Variants in DLEU7 observed in about 807,000 individuals in gnomAD.
The protein encoded by DLEU7 is leukemia-associated protein 7.
In DLEU7, 17 loss-of-function variants were observed where a neutral mutation model predicts 16.0. That is an observed-to-expected ratio of 1.06 (90% CI 0.73 to 1.59). The LOEUF (loss-of-function observed/expected upper bound fraction) is 1.59, where lower values mean the gene tolerates loss of function less well. DLEU7 is among the 40% of genes most tolerant of loss of function. The pLI is 0.00. For missense variants in DLEU7, 308 were observed against 314.9 expected (o/e 0.98, Z 0.17); for synonymous variants, 113 against 139.8 (o/e 0.81, Z 1.35).
intron 1 of DLEU7, among the ~76,000 whole-genome samples, chr13:50,799,505 G>A (rs915533162): frequency 3.3e-5 from 5 of 152,098 alleles, no homozygotes; most frequent in South Asian, 2.1e-4. Context: ...ACAATTGTGC[G>A]TCTCTGCAAT....
intron 1 of DLEU7, among the ~76,000 whole-genome samples, chr13:50,766,270 G>C (rs1018280758): frequency 6.6e-6 from 1 of 152,094 alleles, no homozygotes; most frequent in South Asian, 2.1e-4. Flanking sequence ...CATCACGTTC[G>C]GCATCATGTT....
chr13:50,821,842 C>T (rs74078456), downstream of DLEU7, among the ~76,000 whole-genome samples: 5,033 of 151,948 alleles, frequency 0.033, 290 homozygotes, highest in African/African-American at 0.11. Context: ...AGCTAATTTC[C>T]CTGGGGGAAG....
At chr13:50,718,711 A>G (rs1037990603) in intron 1 of DLEU7, among the ~76,000 whole-genome samples, 1 of 152,232 alleles carries the variant, frequency 6.6e-6, no homozygotes, top group Non-Finnish European at 1.5e-5. Flanking sequence ...TATTCATTAA[A>G]GTCCTTTTGA....
At chr13:50,764,529 A>C (rs1461338854) in intron 1 of DLEU7, among the ~76,000 whole-genome samples, 1 of 152,234 alleles carries the variant, frequency 6.6e-6, no homozygotes, top group Non-Finnish European at 1.5e-5. Flanking sequence ...AGAATAATGG[A>C]ATTAAATAAG....
intron 1 of DLEU7, among the ~76,000 whole-genome samples, chr13:50,748,228 C>CTTTTTT (rs71085044): frequency 0.036 from 3,180 of 89,438 alleles, 2 homozygotes; most frequent in Non-Finnish European, 0.045. Context: ...ACTCCTTAAA[C>CTTTTTT]TTTTTTTTTT....
chr13:50,767,349 G>T (rs994989927), intron 1 of DLEU7, among the ~76,000 whole-genome samples: 1 of 151,820 alleles, frequency 6.6e-6, no homozygotes, highest in Admixed American at 6.6e-5. Flanking sequence ...CCAGCTACGC[G>T]GGAGGCTGAG....
chr13:50,742,139 G>T (rs1385565825), intron 1 of DLEU7, among the ~76,000 whole-genome samples: 1 of 152,108 alleles, frequency 6.6e-6, no homozygotes, highest in Admixed American at 6.5e-5. Flanking sequence ...GGACAAGTCT[G>T]TAAGATTGAC....
chr13:50,721,653 A>G (rs1873618198), intron 1 of DLEU7, among the ~76,000 whole-genome samples: 1 of 152,184 alleles, frequency 6.6e-6, no homozygotes, highest in African/African-American at 2.4e-5. Context: ...AAAATTTTTG[A>G]AAGATGGAGA....
At chr13:50,742,100 T>G (rs1398753123) in intron 1 of DLEU7, among the ~76,000 whole-genome samples, 1 of 152,116 alleles carries the variant, frequency 6.6e-6, no homozygotes, top group African/African-American at 2.4e-5. Context: ...ATTTTTCTAA[T>G]ATTACTTAAA....
At chr13:50,748,333 C>T (rs746746829) in intron 1 of DLEU7, among the ~76,000 whole-genome samples, 4 of 141,788 alleles carry the variant, frequency 2.8e-5, no homozygotes, top group Non-Finnish European at 6.0e-5. Flanking sequence ...CAGGACAGGG[C>T]CCCAATAGCA....
intron 1 of DLEU7, among the ~76,000 whole-genome samples, chr13:50,728,977 A>C (rs1873841969): frequency 6.6e-6 from 1 of 152,016 alleles, no homozygotes; most frequent in Non-Finnish European, 1.5e-5. Flanking sequence ...ACAGTTGAAA[A>C]TCTTTGTATA....
At chr13:50,833,582 G>A (rs1354388161) in intron 1 of DLEU7, among the ~76,000 whole-genome samples, 2 of 152,184 alleles carry the variant, frequency 1.3e-5, no homozygotes, top group Non-Finnish European at 2.9e-5. Flanking sequence ...TCATGGATAG[G>A]AAGAATGAAT....
At chr13:50,765,079 C>T (rs1441347705) in intron 1 of DLEU7, among the ~76,000 whole-genome samples, 2 of 152,078 alleles carry the variant, frequency 1.3e-5, no homozygotes, top group Non-Finnish European at 2.9e-5. Context: ...AACAGGGTTT[C>T]ACCTTGTTGG....
chr13:50,753,826 G>A (rs190490905), intron 1 of DLEU7, among the ~76,000 whole-genome samples: 126 of 152,344 alleles, frequency 8.3e-4, no homozygotes, highest in Admixed American at 2.5e-3. Context: ...TGCCAAGAGC[G>A]AGCGAGGGCT....
chr13:50,793,990 C>T (rs142781556), intron 1 of DLEU7, among the ~76,000 whole-genome samples: 6 of 152,226 alleles, frequency 3.9e-5, no homozygotes, highest in East Asian at 1.9e-4. Flanking sequence ...TGAGGTCTTA[C>T]GTTTAAGTTT....
At chr13:50,775,461 T>G (rs1298994367) in intron 1 of DLEU7, among the ~76,000 whole-genome samples, 2 of 152,242 alleles carry the variant, frequency 1.3e-5, no homozygotes, top group Non-Finnish European at 2.9e-5. Context: ...ACTGTCTGCC[T>G]GCATTGGGCA....
At chr13:50,808,225 C>T (rs920475264) in intron 1 of DLEU7, among the ~76,000 whole-genome samples, 3 of 152,182 alleles carry the variant, frequency 2.0e-5, no homozygotes, top group Non-Finnish European at 2.9e-5. Flanking sequence ...TTCTAACCTT[C>T]CCTGGTGGGG....
chr13:50,736,884 T>C (rs1593534498), intron 1 of DLEU7, among the ~76,000 whole-genome samples: 1 of 152,064 alleles, frequency 6.6e-6, no homozygotes, highest in South Asian at 2.1e-4. Context: ...AAGAAGTAGA[T>C]ACCAAAAATT....
chr13:50,788,957 C>T lies in DLEU7; in HGVS notation c.459+54231G>A, dbSNP rs555413389. Among the ~76,000 whole-genome samples the T allele has an allele frequency of 2.6e-5, 4 of 152,212 alleles. No homozygotes were observed. In the South Asian group the frequency reaches 8.3e-4, roughly 32 times the overall value. ...GGTTATATCGAGGAAAGAGCAGCTT[C>T]TAGGAAGTCCGCAGCCGAGTGAAGT... On this transcript the variant is annotated intron_variant, in intron 1 of 1. Transcript: ENST00000400393.
Sources: gnomAD v4.1 joint callset for allele counts (sites outside exome capture counted in the v4.1 genomes callset) on GRCh38, gnomAD v4.1.1 for gene constraint, MANE v1.5 for transcripts, NCBI Gene and HGNC (gene_info 2026-07-23, HGNC 2026-07-21) for gene names.